Variants in JARID2 observed in about 807,000 individuals in gnomAD.
JARID2 encodes protein Jumonji.
JARID2 carries 21 observed loss-of-function variants against 125.6 expected under a neutral mutation model. The observed-to-expected ratio is 0.17, with a 90% CI of 0.12 to 0.24. The LOEUF (loss-of-function observed/expected upper bound fraction) is 0.24, where lower values mean the gene tolerates loss of function less well. Ranked by LOEUF, JARID2 falls within the 10% of genes least tolerant of loss-of-function variation. The pLI is 1.00. For missense variants in JARID2, 1,303 were observed against 1,639.6 expected, an observed-to-expected ratio of 0.79 and a Z score of 3.55; for synonymous variants, 736 against 661.6, an observed-to-expected ratio of 1.11 and a Z score of -1.73.
At chr6:15,445,144 A>AT (rs1284683198) in intron 3 of JARID2, among the ~76,000 whole-genome samples, 1 of 152,226 alleles carries the variant, frequency 6.6e-6, no homozygotes, top group Non-Finnish European at 1.5e-5. Flanking sequence ...CCCCAGAGGA[A>AT]ACCTGGAGAA....
At chr6:15,418,618 G>T (rs1484187255) in intron 3 of JARID2, among the ~76,000 whole-genome samples, 3 of 152,196 alleles carry the variant, frequency 2.0e-5, no homozygotes, top group Non-Finnish European at 4.4e-5. Flanking sequence ...TACCGACTCT[G>T]TCTCTAAAGG....
intron 4 of JARID2, among the ~76,000 whole-genome samples, chr6:15,453,187 T>C (rs1768000159): frequency 6.6e-6 from 1 of 152,136 alleles, no homozygotes; most frequent in African/African-American, 2.4e-5. Context: ...CTGTTTCACA[T>C]TTGTTCTGAA....
chr6:15,417,542 C>G (rs752325097), intron 3 of JARID2, among the ~76,000 whole-genome samples: 1 of 152,142 alleles, frequency 6.6e-6, no homozygotes, highest in Non-Finnish European at 1.5e-5. Context: ...GTTGGAGAGA[C>G]CTGCGTGGGC....
At chr6:15,256,402 GAGAATTA>G (rs1340334678) in intron 1 of JARID2, among the ~76,000 whole-genome samples, 1 of 152,200 alleles carries the variant, frequency 6.6e-6, no homozygotes, top group Non-Finnish European at 1.5e-5. Context: ...GGGATAGATT[GAGAATTA>G]AGACTGGAGT....
At chr6:15,500,477 G>A (rs1400847002) in intron 7 of JARID2, among the ~76,000 whole-genome samples, 1 of 152,116 alleles carries the variant, frequency 6.6e-6, no homozygotes, top group East Asian at 1.9e-4. Context: ...GGTGACGCTG[G>A]GCCGTGGGTG....
At chr6:15,391,730 C>A (rs1244256706) in intron 2 of JARID2, among the ~76,000 whole-genome samples, 1 of 152,304 alleles carries the variant, frequency 6.6e-6, no homozygotes. Context: ...AATTCTTGTT[C>A]TACCAGTAAC....
At chr6:15,288,493 A>G (rs1389502713) in intron 1 of JARID2, among the ~76,000 whole-genome samples, 3 of 152,214 alleles carry the variant, frequency 2.0e-5, no homozygotes, top group Non-Finnish European at 2.9e-5. Flanking sequence ...GTGGGGACAA[A>G]TATCTGAACT....
At chr6:15,323,143 C>T (rs886866490) in intron 1 of JARID2, among the ~76,000 whole-genome samples, 5 of 152,242 alleles carry the variant, frequency 3.3e-5, no homozygotes, top group South Asian at 2.1e-4. Flanking sequence ...CTCTGTGGTA[C>T]GAAACCTCTT....
At position 15,520,926 on chromosome 6, in the gene JARID2, A is replaced by G; in HGVS notation, c.*675A>G. On this transcript the variant is annotated 3_prime_UTR_variant, in exon 18 of 18. Coordinates refer to ENST00000341776, the MANE Select transcript of JARID2 (RefSeq NM_004973.4). The stretch of plus-strand genomic sequence containing the variant: ...TCTGTTCCAGGAAAGAAGAAAAGCG[A>G]GCGAGGAAGACGGAAAAGACTGCCT... 1 of 432,462 alleles carries G rather than the reference A, an allele frequency of 2.3e-6. No homozygotes were observed. Among genetic ancestry groups the G allele is most frequent in the East Asian group, 7.3e-5 (1 of 13,642 alleles). The allele number at this position is 432,462 out of a possible 1,614,324, so 26.8% of individuals were successfully genotyped here.
At chr6:15,495,359 T>G (rs1285097837) in intron 6 of JARID2, among the ~76,000 whole-genome samples, 1 of 152,172 alleles carries the variant, frequency 6.6e-6, no homozygotes, top group Non-Finnish European at 1.5e-5. Context: ...GGACAGTTTG[T>G]AAACGGTGGG....
chr6:15,517,296 G>T, intron 17 of JARID2, 28 bp downstream of exon 17: 1 of 1,519,394 alleles, frequency 6.6e-7, no homozygotes, highest in Non-Finnish European at 9.1e-7. Flanking sequence ...GGGTAGGGCA[G>T]GGCGGCAGCG....
chr6:15,488,122 C>T (rs1339981424), intron 6 of JARID2, among the ~76,000 whole-genome samples: 1 of 152,182 alleles, frequency 6.6e-6, no homozygotes, highest in East Asian at 1.9e-4. Flanking sequence ...ACCCTGACCA[C>T]CTCCTGCCCC....
chr6:15,285,106 GTT>G (rs199945772), intron 1 of JARID2, among the ~76,000 whole-genome samples: 5,501 of 119,308 alleles, frequency 0.046, 118 homozygotes, highest in South Asian at 0.091. Context: ...GTCTTTCTGG[GTT>G]TTTTTTTTTT....
chr6:15,402,674 C>T (rs1294709035), intron 2 of JARID2, among the ~76,000 whole-genome samples: 1 of 152,194 alleles, frequency 6.6e-6, no homozygotes, highest in Non-Finnish European at 1.5e-5. Flanking sequence ...AGCCCACTGT[C>T]GCCTTGAGTC....
At chr6:15,457,199 A>C (rs554426400) in intron 4 of JARID2, among the ~76,000 whole-genome samples, 5 of 152,186 alleles carry the variant, frequency 3.3e-5, no homozygotes, top group African/African-American at 4.8e-5. Flanking sequence ...AATGTCTCAT[A>C]ATTTATCTAA....
At chr6:15,303,362 T>C (rs1425292172) in intron 1 of JARID2, among the ~76,000 whole-genome samples, 4 of 152,236 alleles carry the variant, frequency 2.6e-5, no homozygotes, top group Non-Finnish European at 5.9e-5. Context: ...TCAGATAAGC[T>C]CCCAAGTATG....
intron 12 of JARID2, 56 bp downstream of exon 12, chr6:15,508,510 T>C (rs938095338): frequency 1.7e-5 from 16 of 926,958 alleles, no homozygotes; most frequent in African/African-American, 6.5e-5. Flanking sequence ...TATTACCACA[T>C]GAAGTGGGGC....
intron 2 of JARID2, among the ~76,000 whole-genome samples, chr6:15,405,911 G>A (rs1371994859): frequency 2.0e-5 from 3 of 152,142 alleles, no homozygotes; most frequent in African/African-American, 7.2e-5. Context: ...TGTATGATTG[G>A]GCTTAAAACA....
chr6:15,384,921 A>G (rs1035541815), intron 2 of JARID2, among the ~76,000 whole-genome samples: 2 of 152,152 alleles, frequency 1.3e-5, no homozygotes, highest in Non-Finnish European at 2.9e-5. Flanking sequence ...CTGAACTTGT[A>G]CTACTGCTCC....
Sources: gnomAD v4.1 joint callset for allele counts (sites outside exome capture counted in the v4.1 genomes callset) on GRCh38, gnomAD v4.1.1 for gene constraint, MANE v1.5 for transcripts, NCBI Gene and HGNC (gene_info 2026-07-23, HGNC 2026-07-21) for gene names.